Variants in NEFH observed in about 807,000 individuals in gnomAD.
NEFH encodes neurofilament heavy polypeptide.
Under a neutral mutation model 56.6 loss-of-function variants are expected in NEFH, and 58 were observed. The ratio of observed to expected loss-of-function variants is 1.03; its 90% CI spans 0.83 to 1.28. The LOEUF (loss-of-function observed/expected upper bound fraction) is 1.28, where lower values mean the gene tolerates loss of function less well. NEFH is among the 50% of genes most tolerant of loss of function. NEFH has a pLI of 0.00. For synonymous variants in NEFH, 542 were observed against 545.8 expected (o/e 0.99, Z 0.10); for missense variants, 1,221 against 1,307.6 (o/e 0.93, Z 1.02).
At chr22:29,485,604 G>T in intron 2 of NEFH, 119 bp from the exon 3 acceptor site, 1 of 1,258,072 alleles carries the variant, frequency 7.9e-7, no homozygotes, top group Non-Finnish European at 1.1e-6. Flanking sequence ...GGTTGGGGTT[G>T]GCCCCAGTGA....
Position 29,481,445 on chromosome 22 carries a change from C to A in NEFH, c.883+300C>A, listed in dbSNP as rs572473583. On this transcript the variant is annotated intron_variant, in intron 1 of 3. Transcript: ENST00000310624. The stretch of plus-strand genomic sequence containing the variant: ...TAGGCGACCCCACTCTGAGATCCCT[C>A]CCCCGTCAAGAAAAAAACAAGTTTC... Among the ~76,000 whole-genome samples, 3 of 152,098 alleles carry A rather than the reference C, an allele frequency of 2.0e-5. 1 individual carries two copies. The highest frequency in any genetic ancestry group is 4.1e-4 in the South Asian group (2 of 4,824).
At chr22:29,481,549 C>G (rs1345145428) in intron 1 of NEFH, among the ~76,000 whole-genome samples, 1 of 152,186 alleles carries the variant, frequency 6.6e-6, no homozygotes, top group Non-Finnish European at 1.5e-5. Flanking sequence ...GCAAGGCTTC[C>G]CCGCCAATGC....
At chr22:29,487,480 A>AAC (rs1317110145) in intron 3 of NEFH, among the ~76,000 whole-genome samples, 1 of 151,864 alleles carries the variant, frequency 6.6e-6, no homozygotes, top group East Asian at 1.9e-4. Context: ...AAAAAAAAAA[A>AAC]AAATAGCTGG....
rs1171531158 is a variant in NEFH at position 29,483,442 on chromosome 22, G to A, written c.951G>A (p.Glu317=). Residue 317 remains glutamate (E), a synonymous_variant, in exon 2 of 4, where the codon GAG becomes GAA. Transcript: ENST00000310624. The stretch of plus-strand genomic sequence containing the variant: ...ACGCTATGCGCTCAGCGCAGGAGGA[G>A]ATAACTGAGTACCGGCGTCAGCTGC... ...NTDAMRSAQE[E]ITEYRRQLQA... The A allele has an allele frequency of 1.2e-6, 2 of 1,614,014 alleles. No homozygotes were observed. Among genetic ancestry groups the A allele is most frequent in the Non-Finnish European group, 1.7e-6 (2 of 1,180,014 alleles).
Position 29,480,727 on chromosome 22 carries a change from C to CGCGGT in NEFH, c.468_472dup (p.Leu158ArgfsTer30). On this transcript the variant is annotated frameshift_variant, in exon 1 of 4. Coordinates refer to ENST00000310624, the MANE Select transcript of NEFH (RefSeq NM_021076.4). LOFTEE classifies it high-confidence loss of function. The stretch of plus-strand genomic sequence containing the variant: ...AGCGCGAGGTCCGCGAGATGCGCGG[C>CGCGGT]GCGGTGCTGCGCCTGGGCGCGGCGC... 1 of 1,472,556 alleles carries CGCGGT rather than the reference C, an allele frequency of 6.8e-7. No individual in the cohort carries two copies. The highest frequency in any genetic ancestry group is 8.9e-7 in the Non-Finnish European group (1 of 1,122,812). 91.2% of individuals were successfully genotyped at this position (1,472,556 alleles called of 1,614,324 possible).
chr22:29,481,287 T>C (rs1238119491), intron 1 of NEFH, 142 bp downstream of exon 1: 1 of 810,158 alleles, frequency 1.2e-6, no homozygotes, highest in African/African-American at 1.8e-5. Context: ...TGCATGCCCC[T>C]AGTTAAATCG....
At chr22:29,484,367 TA>T (rs1472518364) in intron 2 of NEFH, among the ~76,000 whole-genome samples, 2 of 152,090 alleles carry the variant, frequency 1.3e-5, no homozygotes, top group Non-Finnish European at 2.9e-5. Flanking sequence ...CGGCTGGGCC[TA>T]GTGGCTCATG....
At chr22:29,486,112 G>A (rs1482844500) in intron 3 of NEFH, among the ~76,000 whole-genome samples, 1 of 152,076 alleles carries the variant, frequency 6.6e-6, no homozygotes, top group African/African-American at 2.4e-5. Flanking sequence ...TCTCCCTCCT[G>A]GGTTCAAGCG....
At position 29,490,838 on chromosome 22, in the gene NEFH, C is replaced by G; in HGVS notation, c.*135C>G. The G allele has an allele frequency of 6.6e-7, 1 of 1,507,000 alleles. No homozygotes were observed. The allele number at this position is 1,507,000 out of a possible 1,614,324, so 93.4% of individuals were successfully genotyped here. On this transcript the variant is annotated 3_prime_UTR_variant, in exon 4 of 4. Transcript: ENST00000310624. ...ACTGCTTAGATGACGGGGCCTCCTT[C>G]TTCAAACAGGAATTTCTGTTAGCAA...
chr22:29,490,452 GC>G lies in NEFH; in HGVS notation c.2814del (p.Lys939ArgfsTer117). The G allele has an allele frequency of 6.3e-7, 1 of 1,598,444 alleles. No individual in the cohort carries two copies. Among genetic ancestry groups the G allele is most frequent in the Non-Finnish European group, 8.5e-7 (1 of 1,176,086 alleles). On this transcript the variant is annotated frameshift_variant, in exon 4 of 4. Coordinates refer to ENST00000310624, the MANE Select transcript of NEFH (RefSeq NM_021076.4). LOFTEE classifies it high-confidence loss of function. ...CAAGAAGGAACCAGATGATGCCAAG[GC>G]CAAGGAACCCAGCAAACCAGCAGAG... ...VAKKEPDDAK[A>X]KEPSKPAEKK... is the part of the protein sequence containing the mutation.
At chr22:29,487,385 C>T (rs1381668893) in intron 3 of NEFH, among the ~76,000 whole-genome samples, 2 of 151,762 alleles carry the variant, frequency 1.3e-5, no homozygotes, top group African/African-American at 2.4e-5. Flanking sequence ...AATCCCAGCA[C>T]TTTGGGAGAC....
rs2063023571 is a variant in NEFH at position 29,483,388 on chromosome 22, AC to A, written c.898del (p.Leu300CysfsTer7). On this transcript the variant is annotated frameshift_variant, in exon 2 of 4. Transcript: ENST00000310624. LOFTEE classifies it high-confidence loss of function. ...CTTCTCCCCCAGTGAGGCTGGACCG[AC>A]TGTCGGAGGCAGCCAAGGTGAACAC... is the stretch of plus-strand genomic sequence containing the variant. ...EEWFRVRLDR[L>X]SEAAKVNTDA... The A allele has an allele frequency of 1.2e-6, 2 of 1,613,692 alleles. No individual in the cohort carries two copies. Among genetic ancestry groups the A allele is most frequent in the South Asian group, 2.2e-5 (2 of 91,090 alleles).
Position 29,489,238 on chromosome 22 carries a change from C to T in NEFH, c.1598C>T (p.Pro533Leu). ...EAKSPAEAKS[P>L]EKEEAKSPAE... is the part of the protein sequence containing the mutation. ...AAGTCACCGGCTGAGGCCAAGTCCCCAGAGAAGGAGGAAGCAAAATCCCCA... is the reference window on the plus strand; with the variant it reads ...AAGTCACCGGCTGAGGCCAAGTCCCTAGAGAAGGAGGAAGCAAAATCCCCA... Residue 533 changes from proline (P) to leucine (L), a missense_variant, in exon 4 of 4, where the codon CCA becomes CTA. By Grantham distance (98) the Pro-to-Leu change is moderately conservative. This residue lies in a region of NEFH where 243 missense variants were observed against 299.1 expected (regional missense o/e 0.81). Coordinates refer to ENST00000310624, the MANE Select transcript of NEFH (RefSeq NM_021076.4). 6.2e-7 allele frequency: 1 copy of T among 1,614,106 alleles called. No individual in the cohort carries two copies. Among genetic ancestry groups the T allele is most frequent in the Non-Finnish European group, 8.5e-7 (1 of 1,180,030 alleles).
chr22:29,484,650 T>C (rs546809841), intron 2 of NEFH, among the ~76,000 whole-genome samples: 1 of 152,074 alleles, frequency 6.6e-6, no homozygotes, highest in African/African-American at 2.4e-5. Flanking sequence ...CGAGACTCTG[T>C]CTCAAGAAAA....
rs2063079524 is a variant in NEFH at position 29,491,154 on chromosome 22, C to A, written c.*451C>A. 1 of 302,238 alleles carries A rather than the reference C, an allele frequency of 3.3e-6. No individual in the cohort carries two copies. The allele number at this position is 302,238 out of a possible 1,614,324, so 18.7% of individuals were successfully genotyped here. On this transcript the variant is annotated 3_prime_UTR_variant, in exon 4 of 4. Coordinates refer to ENST00000310624, the MANE Select transcript of NEFH (RefSeq NM_021076.4). ...TCCAAAGGAGTGGTCAAGCCCTTGC[C>A]CAGAGCTCTCTATTCTGGAAGAGCG... is the stretch of plus-strand genomic sequence containing the variant.
rs2063004679 is a variant in NEFH, at chr22:29,481,055, T to G, written c.793T>G (p.Cys265Gly). 1 of 1,531,360 alleles carries G rather than the reference T, an allele frequency of 6.5e-7. No individual in the cohort carries two copies. Among genetic ancestry groups the G allele is most frequent in the African/African-American group, 1.4e-5 (1 of 72,532 alleles). 94.9% of individuals were successfully genotyped at this position (1,531,360 alleles called of 1,614,324 possible). A position where few individuals can be genotyped will look rare whatever the true frequency, so the allele number is the denominator to read the frequency against. Reference sequence around the variant, plus strand: ...GGCCGAGACGCGCGACGCCCTGAAGTGCGACGTGACGTCGGCGCTGCGCGA... The same window carrying G: ...GGCCGAGACGCGCGACGCCCTGAAGGGCGACGTGACGTCGGCGCTGCGCGA... Reference protein sequence around the residue: ...MQAETRDALKCDVTSALREIR... With the variant: ...MQAETRDALKGDVTSALREIR... Residue 265 changes from cysteine (C) to glycine (G), a missense_variant, in exon 1 of 4, where the codon TGC becomes GGC. By Grantham distance (159) the Cys-to-Gly change is radical. This residue lies in a region of NEFH where 640 missense variants were observed against 555.5 expected (regional missense o/e 1.15). Coordinates refer to ENST00000310624, the MANE Select transcript of NEFH (RefSeq NM_021076.4).
intron 2 of NEFH, among the ~76,000 whole-genome samples, chr22:29,485,442 T>C (rs1228101024): frequency 6.6e-6 from 1 of 152,210 alleles, no homozygotes; most frequent in Non-Finnish European, 1.5e-5. Context: ...CTAAATGTTA[T>C]CCCATTATCC....
In NEFH at chr22:29,480,642, G is replaced by T. The variant is rs766944121; in HGVS notation, c.380G>T (p.Gly127Val). Reference sequence around the variant, plus strand: ...GAGGCGCACAACCGCAGCCTGGAGGGCGAGGCTGCGGCGCTGCGGCAGCAG... The same window carrying T: ...GAGGCGCACAACCGCAGCCTGGAGGTCGAGGCTGCGGCGCTGCGGCAGCAG... ...QLEAHNRSLE[G>V]EAAALRQQQA... The change falls in exon 1 of 4, where the codon GGC becomes GTC. Residue 127 changes from glycine to valine, a missense_variant. By Grantham distance (109) the Gly-to-Val change is moderately radical (BLOSUM62 -3). Coordinates refer to ENST00000310624, the MANE Select transcript of NEFH (RefSeq NM_021076.4). 1.4e-5 allele frequency: 22 copies of T among 1,561,174 alleles called. No homozygotes were observed. The highest frequency in any genetic ancestry group is 1.9e-5 in the Admixed American group (1 of 53,868).
At chr22:29,485,295 G>T (rs1457124582) in intron 2 of NEFH, among the ~76,000 whole-genome samples, 1 of 152,138 alleles carries the variant, frequency 6.6e-6, no homozygotes, top group African/African-American at 2.4e-5. Flanking sequence ...TAGAGACAGG[G>T]TTTTACCATG....
Sources: gnomAD v4.1 joint callset for allele counts (sites outside exome capture counted in the v4.1 genomes callset) on GRCh38, gnomAD v4.1.1 for gene constraint, gnomAD v4.1.1 regional missense constraint, MANE v1.5 for transcripts, NCBI Gene and HGNC (gene_info 2026-07-23, HGNC 2026-07-21) for gene names.